The following SPAG16 variants were observed in gnomAD, a reference collection of about 807,000 sequenced individuals.
SPAG16 encodes sperm-associated antigen 16 protein.
SPAG16 carries 86 observed loss-of-function variants against 80.4 expected under a neutral mutation model. The ratio of observed to expected loss-of-function variants is 1.07; its 90% CI spans 0.90 to 1.28. The LOEUF is 1.28. Among genes scored for constraint, SPAG16 ranks in the 50% most tolerant of loss-of-function variants. The probability of loss-of-function intolerance (pLI) is 0.00; values close to 1 mark genes in which losing one functional copy is unlikely to be tolerated. For synonymous variants in SPAG16, 294 were observed against 265.9 expected, an observed-to-expected ratio of 1.11 and a Z score of -1.03; for missense variants, 870 against 765.3, an observed-to-expected ratio of 1.14 and a Z score of -1.61.
chr2:214,274,522 C>T (rs1357194573), intron 15 of SPAG16, among the ~76,000 whole-genome samples: 1 of 152,088 alleles, frequency 6.6e-6, no homozygotes, highest in Admixed American at 6.6e-5. Flanking sequence ...TGAATTTTGT[C>T]AAAGGCCTTT....
intron 15 of SPAG16, among the ~76,000 whole-genome samples, chr2:214,358,469 C>T (rs1698963673): frequency 1.3e-5 from 2 of 151,938 alleles, no homozygotes; most frequent in African/African-American, 4.8e-5. Flanking sequence ...AAAGATTTCT[C>T]ACATAATCTG....
At chr2:214,397,158 C>CT (rs66580402) in intron 15 of SPAG16, among the ~76,000 whole-genome samples, 74,588 of 129,906 alleles carry the variant, frequency 0.57, 25,184 homozygotes, top group South Asian at 0.76. Context: ...TTTTAATTTT[C>CT]TTTTTTTTTT....
intron 3 of SPAG16, among the ~76,000 whole-genome samples, chr2:213,303,524 ATCCCCTCTCCCC>A (rs1264383701): frequency 6.6e-6 from 1 of 151,646 alleles, no homozygotes; most frequent in African/African-American, 2.4e-5. Context: ...CCCATTAACC[ATCCCCTCTCCCC>A]TCCCCAGCCT....
At chr2:214,385,999 C>A (rs903747218) in intron 15 of SPAG16, among the ~76,000 whole-genome samples, 2 of 152,032 alleles carry the variant, frequency 1.3e-5, no homozygotes, top group African/African-American at 4.8e-5. Flanking sequence ...TTTTCGGGAT[C>A]TTGATTTTCT....
At chr2:214,360,987 C>T (rs1699147571) in intron 15 of SPAG16, among the ~76,000 whole-genome samples, 1 of 151,852 alleles carries the variant, frequency 6.6e-6, no homozygotes, top group Non-Finnish European at 1.5e-5. Flanking sequence ...TTCATCTGGA[C>T]TCTGAGTGTA....
chr2:213,627,727 G>T (rs557116524), intron 10 of SPAG16, among the ~76,000 whole-genome samples: 1 of 152,202 alleles, frequency 6.6e-6, no homozygotes, highest in Non-Finnish European at 1.5e-5. Context: ...TGAACTGAAT[G>T]ATCAGCTTGA....
chr2:213,888,371 G>A (rs575630599), intron 11 of SPAG16, among the ~76,000 whole-genome samples: 1 of 151,772 alleles, frequency 6.6e-6, no homozygotes, highest in Non-Finnish European at 1.5e-5. Flanking sequence ...ATATGGTTTT[G>A]AGAAAAGTTA....
At chr2:213,818,000 A>G (rs907707941) in intron 10 of SPAG16, among the ~76,000 whole-genome samples, 2 of 152,130 alleles carry the variant, frequency 1.3e-5, no homozygotes, top group African/African-American at 4.8e-5. Context: ...AAGTAAAGGA[A>G]CTGGAAGGCG....
rs1689540187 is a variant in SPAG16 at position 214,242,141 on chromosome 2, T to G, written c.1720+92875T>G. Among the ~76,000 whole-genome samples, 3 of 152,202 alleles carry G rather than the reference T, an allele frequency of 2.0e-5. No individual in the cohort carries two copies. In the South Asian group the frequency reaches 6.2e-4, roughly 31 times the overall value. On this transcript the variant is annotated intron_variant, in intron 15 of 15. Transcript: ENST00000331683. ...GAAATTAAGGTCACAGGTCTAATTC[T>G]TATTTCAACCTATTAGCTTCCCTTT...
chr2:214,046,941 T>C (rs2049361099), intron 13 of SPAG16, among the ~76,000 whole-genome samples: 1 of 151,204 alleles, frequency 6.6e-6, no homozygotes, highest in African/African-American at 2.4e-5. Context: ...CCATTTACAT[T>C]AGGTACAAAT....
intron 15 of SPAG16, among the ~76,000 whole-genome samples, chr2:214,177,908 T>TATATAGAC (rs1482858949): frequency 1.3e-5 from 1 of 74,586 alleles, no homozygotes; most frequent in African/African-American, 1.0e-4. Flanking sequence ...TACATATATA[T>TATATAGAC]ATATATACAT....
chr2:213,938,896 A>G (rs1336842753), intron 12 of SPAG16, among the ~76,000 whole-genome samples: 1 of 152,186 alleles, frequency 6.6e-6, no homozygotes, highest in East Asian at 1.9e-4. Context: ...TAGGAAATAT[A>G]ATTTTGATAG....
At chr2:214,153,727 A>G (rs1051980575) in intron 15 of SPAG16, among the ~76,000 whole-genome samples, 1 of 152,164 alleles carries the variant, frequency 6.6e-6, no homozygotes, top group Admixed American at 6.5e-5. Context: ...CCTCACTTTT[A>G]TGTAATATTA....
intron 10 of SPAG16, among the ~76,000 whole-genome samples, chr2:213,739,604 T>G (rs1005449203): frequency 6.6e-6 from 1 of 152,242 alleles, no homozygotes; most frequent in African/African-American, 2.4e-5. Flanking sequence ...CTCTGCTTTT[T>G]CTTTTTTTTC....
chr2:213,805,045 C>T (rs1201459320), intron 10 of SPAG16, among the ~76,000 whole-genome samples: 1 of 152,126 alleles, frequency 6.6e-6, no homozygotes, highest in African/African-American at 2.4e-5. Context: ...TATTATAATA[C>T]CAATGTTACT....
intron 13 of SPAG16, among the ~76,000 whole-genome samples, chr2:214,064,945 T>G (rs955667667): frequency 6.6e-6 from 1 of 151,956 alleles, no homozygotes; most frequent in African/African-American, 2.4e-5. Context: ...TTTCTTTTAT[T>G]TCATTTTTTC....
At chr2:213,791,122 A>G (rs2070674607) in intron 10 of SPAG16, among the ~76,000 whole-genome samples, 2 of 152,246 alleles carry the variant, frequency 1.3e-5, no homozygotes, top group South Asian at 2.1e-4. Context: ...AAGTGTTAAA[A>G]TATTAAACAA....
intron 10 of SPAG16, among the ~76,000 whole-genome samples, chr2:213,527,709 C>A (rs2075936312): frequency 6.6e-6 from 1 of 151,904 alleles, no homozygotes; most frequent in African/African-American, 2.4e-5. Context: ...AATAAGACAA[C>A]AATTTAAGTG....
chr2:213,965,834 C>T (rs61577965), intron 12 of SPAG16, among the ~76,000 whole-genome samples: 2,152 of 152,232 alleles, frequency 0.014, 55 homozygotes, highest in African/African-American at 0.049. Flanking sequence ...ACTACTTCTC[C>T]GAAGAACAGC....
Sources: gnomAD v4.1 joint callset for allele counts (sites outside exome capture counted in the v4.1 genomes callset) on GRCh38, gnomAD v4.1.1 for gene constraint, MANE v1.5 for transcripts, NCBI Gene and HGNC (gene_info 2026-07-23, HGNC 2026-07-21) for gene names.